The following CSMD1 variants were observed in gnomAD, a reference collection of about 807,000 sequenced individuals.
CSMD1 encodes the protein CUB and sushi domain-containing protein 1.
CSMD1 carries 213 observed loss-of-function variants against 417.5 expected under a neutral mutation model. The ratio of observed to expected loss-of-function variants is 0.51; its 90% CI spans 0.46 to 0.57. The LOEUF (loss-of-function observed/expected upper bound fraction) is 0.57. Ranked by LOEUF, CSMD1 falls within the 20% of genes least tolerant of loss-of-function variation. The probability of loss-of-function intolerance (pLI) is 0.00; values close to 1 mark genes in which losing one functional copy is unlikely to be tolerated. For missense variants in CSMD1, 6,923 were observed against 4,529.7 expected, an observed-to-expected ratio of 1.53 and a Z score of -15.17; for synonymous variants, 2,862 against 1,736.8, an observed-to-expected ratio of 1.65 and a Z score of -16.11.
Position 4,793,615 on chromosome 8 carries a change from TC to T in CSMD1, c.86-156058del, listed in dbSNP as rs201683939. On this transcript the variant is annotated intron_variant, in intron 1 of 69. Transcript: ENST00000635120. ...AGGCATTGCTCACTATCATACTGTT[TC>T]AAAAAAAAATACAGCACTAATTATT... 5.7e-3 allele frequency among the ~76,000 whole-genome samples: 870 copies of T among 151,644 alleles called. 11 individuals are homozygous for T. The highest frequency in any genetic ancestry group is 0.02 in the African/African-American group (848 of 41,398).
At chr8:4,400,199 C>T (rs1329580021) in intron 3 of CSMD1, among the ~76,000 whole-genome samples, 1 of 152,180 alleles carries the variant, frequency 6.6e-6, no homozygotes, top group African/African-American at 2.4e-5. Context: ...ATAGAGAAAG[C>T]AGCTTGAAGC....
chr8:3,606,931 C>G (rs966393147), intron 8 of CSMD1, among the ~76,000 whole-genome samples: 4 of 151,886 alleles, frequency 2.6e-5, no homozygotes, highest in African/African-American at 9.7e-5. Flanking sequence ...AGGATGGTCT[C>G]GATCTCTTAA....
At chr8:3,440,432 T>C (rs79092528) in intron 12 of CSMD1, among the ~76,000 whole-genome samples, 3,986 of 152,314 alleles carry the variant, frequency 0.026, 89 homozygotes, top group East Asian at 0.092. Flanking sequence ...TTAAAGAAAT[T>C]GGGTGTTCAC....
At chr8:4,393,071 G>T (rs944288623) in intron 3 of CSMD1, among the ~76,000 whole-genome samples, 1 of 151,580 alleles carries the variant, frequency 6.6e-6, no homozygotes, top group African/African-American at 2.4e-5. Context: ...CGCCTCCGGG[G>T]TTCAAGCGAT....
At chr8:2,986,168 T>C (rs768163184) in intron 54 of CSMD1, among the ~76,000 whole-genome samples, 2 of 152,206 alleles carry the variant, frequency 1.3e-5, no homozygotes, top group Non-Finnish European at 2.9e-5. Flanking sequence ...ACAATTGTAA[T>C]TGATTGCCTG....
intron 3 of CSMD1, among the ~76,000 whole-genome samples, chr8:4,125,795 C>T (rs1802729632): frequency 6.6e-6 from 1 of 150,946 alleles, no homozygotes; most frequent in South Asian, 2.1e-4. Context: ...ATCAATTGAT[C>T]AATTGATAAC....
At chr8:3,971,148 A>C (rs1426722071) in intron 5 of CSMD1, among the ~76,000 whole-genome samples, 1 of 148,064 alleles carries the variant, frequency 6.8e-6, no homozygotes, top group African/African-American at 2.5e-5. Context: ...TAAATATTCT[A>C]TTTACGCTGC....
At chr8:4,494,939 A>G (rs925421313) in intron 2 of CSMD1, among the ~76,000 whole-genome samples, 2 of 152,166 alleles carry the variant, frequency 1.3e-5, no homozygotes, top group African/African-American at 4.8e-5. Context: ...AGTGATATAC[A>G]TAATTAAAAG....
At chr8:3,469,084 C>T (rs1364622290) in intron 11 of CSMD1, 6 of 318,680 alleles carry the variant, frequency 1.9e-5, no homozygotes, top group Non-Finnish European at 3.5e-5. Flanking sequence ...GGGCAATCAA[C>T]CATCCCATTT....
chr8:4,101,364 T>C (rs1801296413), intron 3 of CSMD1, among the ~76,000 whole-genome samples: 1 of 152,100 alleles, frequency 6.6e-6, no homozygotes, highest in Non-Finnish European at 1.5e-5. Context: ...CAATACCACA[T>C]TCCATCTGGG....
chr8:3,948,660 G>C (rs1221528295), intron 5 of CSMD1, among the ~76,000 whole-genome samples: 2 of 152,006 alleles, frequency 1.3e-5, no homozygotes, highest in Non-Finnish European at 1.5e-5. Flanking sequence ...CTTTCCTAAA[G>C]AAATAATGGA....
At chr8:4,137,976 C>G (rs1348067941) in intron 3 of CSMD1, among the ~76,000 whole-genome samples, 3 of 149,878 alleles carry the variant, frequency 2.0e-5, no homozygotes, top group African/African-American at 7.4e-5. Flanking sequence ...CTCCTCGGTT[C>G]ACGCCATTCT....
intron 8 of CSMD1, among the ~76,000 whole-genome samples, chr8:3,609,750 A>C (rs909082499): frequency 2.2e-5 from 3 of 137,706 alleles, no homozygotes; most frequent in Non-Finnish European, 4.8e-5. Flanking sequence ...AAAAAAAAAA[A>C]ACCGAATTAC....
At chr8:4,871,717 A>G (rs1365700061) in intron 1 of CSMD1, among the ~76,000 whole-genome samples, 1 of 152,108 alleles carries the variant, frequency 6.6e-6, no homozygotes, top group Admixed American at 6.5e-5. Context: ...TAGCAGCTCA[A>G]TGCATAATTT....
At chr8:4,313,852 A>C (rs1337720965) in intron 3 of CSMD1, among the ~76,000 whole-genome samples, 1 of 151,934 alleles carries the variant, frequency 6.6e-6, no homozygotes, top group Non-Finnish European at 1.5e-5. Context: ...CATCTCTACT[A>C]AAAATACAAA....
At chr8:3,398,618 G>T (rs1211070261) in intron 16 of CSMD1, among the ~76,000 whole-genome samples, 1 of 152,092 alleles carries the variant, frequency 6.6e-6, no homozygotes, top group South Asian at 2.1e-4. Flanking sequence ...CAAGAAGAAG[G>T]TCATTGTTAG....
At chr8:4,441,858 G>A (rs1284813539) in intron 2 of CSMD1, among the ~76,000 whole-genome samples, 1 of 152,120 alleles carries the variant, frequency 6.6e-6, no homozygotes, top group Non-Finnish European at 1.5e-5. Flanking sequence ...GAAAATTCCA[G>A]AAAGATTTGA....
At position 4,041,072 on chromosome 8, in the gene CSMD1, A is replaced by C. The variant is rs10866961; in HGVS notation, c.416-8973T>G. ...CGCTCTGTCGCCCAGGCTGGAGTGC[A>C]GTGGCGCGATCTCGGCTCACTGCAA... On this transcript the variant is annotated intron_variant, in intron 3 of 69. Transcript: ENST00000635120. 2.1e-5 allele frequency among the ~76,000 whole-genome samples: 3 copies of C among 139,642 alleles called. No homozygotes were observed. The East Asian group carries it at 6.5e-4, about 30-fold the overall frequency. 91.6% of individuals were successfully genotyped at this position (139,642 alleles called of 152,430 possible). A position where few individuals can be genotyped will look rare whatever the true frequency, so the allele number is the denominator to read the frequency against.
At chr8:2,969,404 G>C (rs1804241610) in intron 57 of CSMD1, among the ~76,000 whole-genome samples, 1 of 152,106 alleles carries the variant, frequency 6.6e-6, no homozygotes, top group Non-Finnish European at 1.5e-5. Flanking sequence ...TCTTAAGCTT[G>C]AGCCTATGAT....
Sources: gnomAD v4.1 joint callset for allele counts (sites outside exome capture counted in the v4.1 genomes callset) on GRCh38, gnomAD v4.1.1 for gene constraint, MANE v1.5 for transcripts, NCBI Gene and HGNC (gene_info 2026-07-23, HGNC 2026-07-21) for gene names.